SGSM2: variants seen among roughly 807,000 people sequenced by gnomAD.
SGSM2 encodes the protein small G protein signaling modulator 2.
Under a neutral mutation model 126.6 loss-of-function variants are expected in SGSM2, and 89 were observed. The ratio of observed to expected loss-of-function variants is 0.70; its 90% CI spans 0.59 to 0.84. SGSM2 has a LOEUF of 0.84. Among genes scored for constraint, SGSM2 ranks in the 40% least tolerant of loss-of-function variants. The pLI is 0.00. For synonymous variants in SGSM2, 614 were observed against 574.3 expected (o/e 1.07, Z -0.99); for missense variants, 1,404 against 1,416.6 (o/e 0.99, Z 0.14).
chr17:2,352,601 G>C (rs1463498903), intron 2 of SGSM2, among the ~76,000 whole-genome samples: 1 of 152,004 alleles, frequency 6.6e-6, no homozygotes, highest in Non-Finnish European at 1.5e-5. Flanking sequence ...GCCACTGAGT[G>C]GTTCCCACTG....
intron 13 of SGSM2, 23 bp downstream of exon 13, chr17:2,371,438 C>A (rs2065866800): frequency 1.3e-6 from 2 of 1,570,770 alleles, no homozygotes; most frequent in Non-Finnish European, 1.7e-6. Flanking sequence ...CGCTCGGCCC[C>A]AGCTTCCCGT....
intron 2 of SGSM2, among the ~76,000 whole-genome samples, chr17:2,360,308 T>C (rs929403730): frequency 1.3e-5 from 2 of 152,016 alleles, no homozygotes; most frequent in African/African-American, 4.8e-5. Context: ...GATTCCACGA[T>C]TGCACTCCAG....
chr17:2,379,175 C>T lies in SGSM2; in HGVS notation c.3039C>T (p.Asp1013=). Residue 1013 remains aspartate, a synonymous_variant, in exon 23 of 24, where the codon GAC becomes GAT. Coordinates refer to ENST00000268989, the MANE Select transcript of SGSM2 (RefSeq NM_014853.3). The part of the protein sequence containing the change: ...YREIIRDNNM[D]FTDIIKFFNE... ...AGATCATCCGTGACAACAACATGGA[C>T]TTCACTGACATCATCAAGTTTTTCA... 6.2e-7 allele frequency: 1 copy of T among 1,614,150 alleles called. No homozygotes were observed. The highest frequency in any genetic ancestry group is 2.2e-5 in the East Asian group (1 of 44,884).
Position 2,380,338 on chromosome 17 carries a change from T to G in SGSM2, c.*818T>G. On this transcript the variant is annotated 3_prime_UTR_variant, in exon 24 of 24. Transcript: ENST00000268989. ...TGATCTGGAATGCGACCGGAGCACT[T>G]GCTCTGAGGAATCCCAGGGTGACTC... 1 of 1,528,814 alleles carries G rather than the reference T, an allele frequency of 6.5e-7. No homozygotes were observed. Among genetic ancestry groups the G allele is most frequent in the East Asian group, 2.4e-5 (1 of 40,896 alleles). 94.7% of individuals were successfully genotyped at this position (1,528,814 alleles called of 1,614,324 possible).
At position 2,345,545 on chromosome 17, in the gene SGSM2, A is replaced by G. The variant is rs369116732; in HGVS notation, c.133+1925A>G. Among the ~76,000 whole-genome samples the G allele has an allele frequency of 8.2e-3, 1,241 of 151,038 alleles. 16 individuals are homozygous for G. Among genetic ancestry groups the G allele is most frequent in the African/African-American group, 0.025 (1,024 of 41,036 alleles). ...CGGGAGGCGGAGCTTGCAGTGAGCC[A>G]AGATCGCGCCACTGCACTCCAGCCT... On this transcript the variant is annotated intron_variant, in intron 2 of 23. Transcript: ENST00000268989.
Position 2,361,751 on chromosome 17 carries a change from G to A in SGSM2, c.248G>A (p.Gly83Glu), listed in dbSNP as rs1475518224. Residue 83 changes from glycine to glutamate, a missense_variant, in exon 3 of 24, where the codon GGG becomes GAG. Gly to Glu is a moderately conservative substitution (Grantham distance 98). Coordinates refer to ENST00000268989, the MANE Select transcript of SGSM2 (RefSeq NM_014853.3). The stretch of plus-strand genomic sequence containing the variant: ...GTGGGGAAGACGTGCCCAGTGGCGG[G>A]GGAGATTTGCCACAAGGTACAGGAG... ...TKVGKTCPVA[G>E]EICHKVQELQ... 6 of 1,613,314 alleles carry A rather than the reference G, an allele frequency of 3.7e-6. 1 individual carries two copies. Among genetic ancestry groups the A allele is most frequent in the South Asian group, 3.3e-5 (3 of 91,084 alleles).
chr17:2,364,159 T>A lies in SGSM2; in HGVS notation c.908T>A (p.Leu303Gln). 1 of 1,613,936 alleles carries A rather than the reference T, an allele frequency of 6.2e-7. No homozygotes were observed. The highest frequency in any genetic ancestry group is 8.5e-7 in the Non-Finnish European group (1 of 1,180,002). ...CCCAACCAGCTCATGAATGGGACTC[T>A]GGGGGACTCCGAGCTGGAAAAGAGG... ...WTPNQLMNGT[L>Q]GDSELEKSVY... Residue 303 changes from leucine (L) to glutamine (Q), a missense_variant, in exon 8 of 24, where the codon CTG becomes CAG. Leu to Gln is a moderately radical substitution (Grantham distance 113). Coordinates refer to ENST00000268989, the MANE Select transcript of SGSM2 (RefSeq NM_014853.3).
chr17:2,359,114 T>G (rs2065206407), intron 2 of SGSM2, among the ~76,000 whole-genome samples: 1 of 152,074 alleles, frequency 6.6e-6, no homozygotes, highest in Non-Finnish European at 1.5e-5. Flanking sequence ...CCTGACCTCA[T>G]GATCCGCCTG....
At chr17:2,350,079 G>GC (rs1347342242) in intron 2 of SGSM2, among the ~76,000 whole-genome samples, 1 of 151,692 alleles carries the variant, frequency 6.6e-6, no homozygotes, top group Admixed American at 6.6e-5. Flanking sequence ...AAGCCACCAC[G>GC]CCTGGCCTAA....
rs1369102150 is a variant in SGSM2, at chr17:2,363,119, G to A, written c.657G>A (p.Lys219=). The A allele has an allele frequency of 6.2e-7, 1 of 1,606,748 alleles. No homozygotes were observed. Among genetic ancestry groups the A allele is most frequent in the Non-Finnish European group, 8.5e-7 (1 of 1,177,444 alleles). ...GPPTRQDSPA[K]RPALGIRKRH... ...CTACTCGCCAGGACTCCCCTGCAAA[G>A]CGCCCAGCCCTGGGGGTAGGTGCCC... The change falls in exon 6 of 24, where the codon AAG becomes AAA. Residue 219 remains lysine (K), a synonymous_variant. Coordinates refer to ENST00000268989, the MANE Select transcript of SGSM2 (RefSeq NM_014853.3). This position sits in a 1 kb window ranked among gnomAD's most constrained non-coding sequence, Gnocchi z 4.2.
chr17:2,373,417 G>A lies in SGSM2; in HGVS notation c.2004G>A (p.Glu668=). Residue 668 remains glutamate (E), a synonymous_variant, in exon 17 of 24, where the codon GAG becomes GAA. Transcript: ENST00000268989. ...CEVVVRQRER[E]AHPATRTKFS... ...TGGTGGTGAGGCAGCGGGAGCGGGA[G>A]GCCCACCCAGCCACACGCACCAAGT... is the stretch of plus-strand genomic sequence containing the variant. The A allele has an allele frequency of 6.2e-7, 1 of 1,611,926 alleles. No individual in the cohort carries two copies. The highest frequency in any genetic ancestry group is 8.5e-7 in the Non-Finnish European group (1 of 1,179,980).
At chr17:2,359,764 G>A (rs934142668) in intron 2 of SGSM2, among the ~76,000 whole-genome samples, 24 of 152,068 alleles carry the variant, frequency 1.6e-4, no homozygotes, top group African/African-American at 3.1e-4. Context: ...TCATTATCCC[G>A]GCAATTAATC....
chr17:2,375,523 C>G lies in SGSM2; in HGVS notation c.2132C>G (p.Pro711Arg). ...ATCTCAGTGGATGATCTGGAACCCC[C>G]GGAGCCCCAGGACCCTGAAGATTCC... ...VFISVDDLEP[P>R]EPQDPEDSRP... is the part of the protein sequence containing the mutation. Residue 711 changes from proline to arginine, a missense_variant, in exon 18 of 24, where the codon CCG becomes CGG. Pro to Arg is a moderately radical substitution (Grantham distance 103). Coordinates refer to ENST00000268989, the MANE Select transcript of SGSM2 (RefSeq NM_014853.3). 6.2e-7 allele frequency: 1 copy of G among 1,612,058 alleles called. No homozygotes were observed. The highest frequency in any genetic ancestry group is 8.5e-7 in the Non-Finnish European group (1 of 1,179,016).
Position 2,363,669 on chromosome 17 carries a change from T to C in SGSM2, c.807+70T>C. On this transcript the variant is annotated intron_variant, in intron 7 of 23. Transcript: ENST00000268989. The surrounding 1 kb of genome is among the most constrained non-coding windows in gnomAD (Gnocchi z 4.2). ...CGAGACGACTGGAAGCCTCTAGCCA[T>C]GGCTATTCCTTTCCTGAGGAGCTTG... is the stretch of plus-strand genomic sequence containing the variant. 1 of 1,576,936 alleles carries C rather than the reference T, an allele frequency of 6.3e-7. No homozygotes were observed. Among genetic ancestry groups the C allele is most frequent in the Non-Finnish European group, 8.6e-7 (1 of 1,158,088 alleles).
intron 9 of SGSM2, 78 bp from the exon 10 acceptor site, chr17:2,364,819 C>T (rs2065481482): frequency 1.3e-6 from 2 of 1,580,938 alleles, no homozygotes; most frequent in South Asian, 1.1e-5. Flanking sequence ...TGCCTCCTAC[C>T]CAGCCTGGGG....
intron 1 of SGSM2, among the ~76,000 whole-genome samples, chr17:2,339,088 C>G (rs956142472): frequency 2.0e-5 from 3 of 150,860 alleles, no homozygotes; most frequent in African/African-American, 4.9e-5. Context: ...TTAGCTGAGC[C>G]GTAATTAGAG....
At position 2,372,886 on chromosome 17, in the gene SGSM2, G is replaced by C. The variant is rs537214039; in HGVS notation, c.1789-67G>C. On this transcript the variant is annotated intron_variant, in intron 15 of 23. Transcript: ENST00000268989. The surrounding 1 kb of genome is among the most constrained non-coding windows in gnomAD (Gnocchi z 6.0). ...CGCCCCAGCCCATTCTCCGTGGGAT[G>C]GGGCTCACCCAGCTGGGCCACGGTG... The C allele has an allele frequency of 6.5e-7, 1 of 1,530,318 alleles. No homozygotes were observed. The highest frequency in any genetic ancestry group is 8.8e-7 in the Non-Finnish European group (1 of 1,134,910). 94.8% of individuals were successfully genotyped at this position (1,530,318 alleles called of 1,614,324 possible).
chr17:2,343,132 TGGAGAATAG>T (rs2064451589), intron 1 of SGSM2, among the ~76,000 whole-genome samples: 4 of 152,084 alleles, frequency 2.6e-5, no homozygotes, highest in Admixed American at 2.0e-4. Context: ...CCCCTAACCT[TGGAGAATAG>T]GGAGAAAAGG....
Position 2,337,700 on chromosome 17 carries a change from A to C in SGSM2, c.12A>C (p.Ala4=). The part of the protein sequence containing the change: MGS[A]EDAVKEKLLW... ...CCTCCTGCCACACCATGGGCAGCGCAGAGGACGCAGTCAAAGAGAAACTGC... is the reference window on the plus strand; with the variant it reads ...CCTCCTGCCACACCATGGGCAGCGCCGAGGACGCAGTCAAAGAGAAACTGC... The change falls in exon 1 of 24, where the codon GCA becomes GCC. Residue 4 remains alanine, a synonymous_variant. Coordinates refer to ENST00000268989, the MANE Select transcript of SGSM2 (RefSeq NM_014853.3). This position sits in a 1 kb window ranked among gnomAD's most constrained non-coding sequence, Gnocchi z 5.1. The C allele has an allele frequency of 6.5e-7, 1 of 1,530,014 alleles. No individual in the cohort carries two copies. 94.8% of individuals were successfully genotyped at this position (1,530,014 alleles called of 1,614,324 possible). A position where few individuals can be genotyped will look rare whatever the true frequency, so the allele number is the denominator to read the frequency against.
Sources: gnomAD v4.1 joint callset for allele counts (sites outside exome capture counted in the v4.1 genomes callset) on GRCh38, gnomAD v4.1.1 for gene constraint, Gnocchi (gnomAD v3.1) non-coding constraint, MANE v1.5 for transcripts, NCBI Gene and HGNC (gene_info 2026-07-23, HGNC 2026-07-21) for gene names.